PPP1R9A: variants seen among roughly 807,000 people sequenced by gnomAD.
PPP1R9A encodes the protein protein phosphatase 1 regulatory subunit 9A, also known as neurabin-1.
In PPP1R9A, 59 loss-of-function variants were observed where a neutral mutation model predicts 141.9. That is an observed-to-expected ratio of 0.42 (90% confidence interval 0.34 to 0.52). The LOEUF (loss-of-function observed/expected upper bound fraction) is 0.52. Among genes scored for constraint, PPP1R9A ranks in the 20% least tolerant of loss-of-function variants. PPP1R9A has a pLI of 0.10. For missense variants in PPP1R9A, 1,444 were observed against 1,611.9 expected, an observed-to-expected ratio of 0.90 and a Z score of 1.78; for synonymous variants, 500 against 569.7, an observed-to-expected ratio of 0.88 and a Z score of 1.74.
At chr7:94,998,649 T>G (rs2151494053) in intron 2 of PPP1R9A, among the ~76,000 whole-genome samples, 1 of 152,326 alleles carries the variant, frequency 6.6e-6, no homozygotes. Context: ...TTGGAATAGT[T>G]TATATTAAAT....
intron 18 of PPP1R9A, 95 bp from the exon 19 acceptor site, chr7:95,288,441 G>A (rs765568071): frequency 6.7e-7 from 1 of 1,486,464 alleles, no homozygotes; most frequent in East Asian, 2.3e-5. Context: ...AAACATAAAT[G>A]TGGCTCTCAT....
chr7:95,132,544 A>G (rs1824846307), intron 4 of PPP1R9A, among the ~76,000 whole-genome samples: 1 of 152,128 alleles, frequency 6.6e-6, no homozygotes, highest in South Asian at 2.1e-4. Context: ...GTGGGTGAGA[A>G]ACACACCTAG....
At chr7:95,004,551 ACT>A (rs1222417930) in intron 2 of PPP1R9A, among the ~76,000 whole-genome samples, 2 of 152,140 alleles carry the variant, frequency 1.3e-5, no homozygotes, top group African/African-American at 2.4e-5. Context: ...CTGCTTAAAG[ACT>A]CTGAAAAGAA....
chr7:95,015,875 C>A (rs777460028), intron 2 of PPP1R9A, among the ~76,000 whole-genome samples: 5 of 151,852 alleles, frequency 3.3e-5, no homozygotes, highest in Non-Finnish European at 5.9e-5. Context: ...CATGGTGAGA[C>A]CCCTGCCTCT....
intron 18 of PPP1R9A, chr7:95,287,210 T>C: frequency 1.3e-6 from 2 of 1,515,124 alleles, no homozygotes; most frequent in Non-Finnish European, 1.8e-6. Context: ...TGGAGATGAC[T>C]GAAAAATCAG....
At chr7:95,192,552 T>C (rs1387396289) in intron 5 of PPP1R9A, among the ~76,000 whole-genome samples, 1 of 152,054 alleles carries the variant, frequency 6.6e-6, no homozygotes, top group Non-Finnish European at 1.5e-5. Context: ...CAGCTTACAT[T>C]TATTAAACAC....
intron 2 of PPP1R9A, among the ~76,000 whole-genome samples, chr7:95,009,622 A>G (rs927375055): frequency 6.6e-6 from 1 of 152,210 alleles, no homozygotes; most frequent in Non-Finnish European, 1.5e-5. Flanking sequence ...GAGTTGTACA[A>G]TTCTGCCAGA....
chr7:95,106,341 A>G (rs993849546), intron 2 of PPP1R9A, among the ~76,000 whole-genome samples: 18 of 152,216 alleles, frequency 1.2e-4, no homozygotes, highest in African/African-American at 4.3e-4. Context: ...CAAGTGCTAC[A>G]TAGCTAGGGA....
At chr7:95,002,988 A>AGAGTT (rs1171043255) in intron 2 of PPP1R9A, among the ~76,000 whole-genome samples, 16 of 152,240 alleles carry the variant, frequency 1.1e-4, no homozygotes, top group African/African-American at 3.6e-4. Context: ...TGCTGGTTGG[A>AGAGTT]GAGTTGCCAG....
At chr7:95,277,002 A>G (rs1293146379) in intron 16 of PPP1R9A, among the ~76,000 whole-genome samples, 1 of 152,190 alleles carries the variant, frequency 6.6e-6, no homozygotes, top group Non-Finnish European at 1.5e-5. Flanking sequence ...TGTAAGCACC[A>G]TCAGCTGCAG....
At chr7:95,268,489 T>C (rs854522) in intron 12 of PPP1R9A, 61 bp from the exon 13 acceptor site, 653,009 of 1,573,008 alleles carry the variant, frequency 0.42, 138,331 homozygotes, top group Middle Eastern at 0.45. Flanking sequence ...TCAGTGTCTG[T>C]GGTCTCTTCA....
At position 95,182,179 on chromosome 7, in the gene PPP1R9A, T is replaced by A. The variant is rs558125012; in HGVS notation, c.1755-16170T>A. ...CCCAATAAACTGAAAAATAAAAAAA[T>A]AAAAATGTATATATAGGCTAGGTGC... On this transcript the variant is annotated intron_variant, in intron 5 of 19. Coordinates refer to ENST00000433360, the MANE Select transcript of PPP1R9A (RefSeq NM_001166160.2). Among the ~76,000 whole-genome samples, 51 of 151,376 alleles carry A rather than the reference T, an allele frequency of 3.4e-4. No individual in the cohort carries two copies. The East Asian group carries it at 7.4e-3, about 22-fold the overall frequency.
chr7:95,064,275 G>T (rs1812650046), intron 2 of PPP1R9A, among the ~76,000 whole-genome samples: 1 of 152,040 alleles, frequency 6.6e-6, no homozygotes, highest in Non-Finnish European at 1.5e-5. Context: ...GTACATTTTT[G>T]ATTCATTAAC....
intron 2 of PPP1R9A, among the ~76,000 whole-genome samples, chr7:94,923,187 T>C (rs2141221): frequency 0.41 from 62,413 of 151,998 alleles, 13,972 homozygotes; most frequent in South Asian, 0.59. Flanking sequence ...TGTGATTATA[T>C]AGCATTTGCA....
At chr7:94,995,369 G>A (rs1264471200) in intron 2 of PPP1R9A, among the ~76,000 whole-genome samples, 1 of 151,760 alleles carries the variant, frequency 6.6e-6, no homozygotes, top group Non-Finnish European at 1.5e-5. Context: ...GAAAAATTTG[G>A]CCATTTTTTC....
intron 2 of PPP1R9A, among the ~76,000 whole-genome samples, chr7:94,952,806 G>GTT (rs143923100): frequency 6.6e-6 from 1 of 150,778 alleles, no homozygotes; most frequent in East Asian, 2.0e-4. Context: ...GGAGTTGTCT[G>GTT]TTTTTTTTTC....
intron 2 of PPP1R9A, among the ~76,000 whole-genome samples, chr7:95,062,841 C>A (rs1286265029): frequency 1.3e-5 from 2 of 151,952 alleles, no homozygotes; most frequent in African/African-American, 4.8e-5. Flanking sequence ...ACTTACATAT[C>A]CATGTTTCTT....
chr7:94,970,893 A>T (rs1798789139), intron 2 of PPP1R9A, among the ~76,000 whole-genome samples: 1 of 151,892 alleles, frequency 6.6e-6, no homozygotes, highest in Non-Finnish European at 1.5e-5. Flanking sequence ...TTAGTATTTA[A>T]ATCTTCTGTA....
Position 94,910,929 on chromosome 7 carries a change from C to G in PPP1R9A, c.816C>G (p.His272Gln). The G allele has an allele frequency of 6.2e-7, 1 of 1,614,120 alleles. No individual in the cohort carries two copies. The highest frequency in any genetic ancestry group is 8.5e-7 in the Non-Finnish European group (1 of 1,180,014). ...NKRGVDTEDA[H>Q]KSNATPVPEV... ...GAGGTGTTGATACAGAGGATGCTCA[C>G]AAGAGTAATGCAACTCCAGTACCAG... The change falls in exon 2 of 20, where the codon CAC becomes CAG. Residue 272 changes from histidine (H) to glutamine (Q), a missense_variant. His to Gln is a conservative substitution (Grantham distance 24, BLOSUM62 0). Around this residue, in one of 5 missense-constraint regions of PPP1R9A, gnomAD observed 490 missense variants for 521.1 expected, o/e 0.94. Transcript: ENST00000433360. This position sits in a 1 kb window ranked among gnomAD's most constrained non-coding sequence, Gnocchi z 4.5.
Sources: allele counts gnomAD v4.1 joint callset (sites outside exome capture counted in the v4.1 genomes callset), GRCh38; gene constraint gnomAD v4.1.1; regional missense constraint gnomAD v4.1.1; non-coding constraint Gnocchi (gnomAD v3.1); transcripts MANE v1.5; gene names NCBI Gene and HGNC (gene_info 2026-07-23, HGNC 2026-07-21).